IQGAP1: variants seen among roughly 807,000 people sequenced by gnomAD.
The protein encoded by IQGAP1 is ras GTPase-activating-like protein IQGAP1.
IQGAP1 carries 66 observed loss-of-function variants against 215.6 expected under a neutral mutation model. The ratio of observed to expected loss-of-function variants is 0.31; its 90% CI spans 0.25 to 0.38. The LOEUF is 0.38. IQGAP1 is among the 10% of genes least tolerant of loss of function. The pLI, the probability that IQGAP1 is intolerant of heterozygous loss-of-function variation, is 1.00. For synonymous variants in IQGAP1, 772 were observed against 728.7 expected (o/e 1.06, Z -0.96); for missense variants, 1,712 against 1,997.1 (o/e 0.86, Z 2.72).
At position 90,390,855 on chromosome 15, in the gene IQGAP1, AT is replaced by A; in HGVS notation, c.140del (p.Leu47TrpfsTer12). ...RQNVAYEYLCHLEEAKRWMEA... is the reference protein window; with the variant it reads ...RQNVAYEYLCXLEEAKRWMEA... The stretch of plus-strand genomic sequence containing the variant: ...AACGTGGCTTATGAGTACCTTTGTC[AT>A]TTGGAAGAAGCGAAGAGGTAAAGAT... On this transcript the variant is annotated frameshift_variant, in exon 2 of 38. Coordinates refer to ENST00000268182, the MANE Select transcript of IQGAP1 (RefSeq NM_003870.4). LOFTEE classifies it high-confidence loss of function. The A allele has an allele frequency of 6.2e-7, 1 of 1,608,254 alleles. No homozygotes were observed. The highest frequency in any genetic ancestry group is 8.5e-7 in the Non-Finnish European group (1 of 1,174,634).
chr15:90,498,681 C>T (rs1438472022), intron 37 of IQGAP1, among the ~76,000 whole-genome samples: 2 of 152,166 alleles, frequency 1.3e-5, no homozygotes, highest in East Asian at 3.9e-4. Flanking sequence ...AGAGTCTCGC[C>T]CTGTCTCCCA....
At chr15:90,402,788 GA>G (rs899938765) in intron 2 of IQGAP1, among the ~76,000 whole-genome samples, 6 of 151,082 alleles carry the variant, frequency 4.0e-5, no homozygotes, top group African/African-American at 9.7e-5. Flanking sequence ...GAAAAGAAGA[GA>G]AAAAAAACTT....
Position 90,487,572 on chromosome 15 carries a change from C to T in IQGAP1, c.4238C>T (p.Thr1413Ile). The change falls in exon 33 of 38, where the codon ACC (threonine) becomes ATC (isoleucine). Residue 1413 changes from threonine to isoleucine, a missense_variant. Physicochemically the swap from Thr to Ile is moderately conservative, Grantham distance 89. Transcript: ENST00000268182. ...TLTEILETPATSEQEAEHQRA... is the reference protein window; with the variant it reads ...TLTEILETPAISEQEAEHQRA... ...ACTGAAATCCTAGAAACACCAGCCA[C>T]CAGTGAACAGGTAAAATTTAGGGTC... is the stretch of plus-strand genomic sequence containing the variant. 1 of 1,612,486 alleles carries T rather than the reference C, an allele frequency of 6.2e-7. No individual in the cohort carries two copies. Among genetic ancestry groups the T allele is most frequent in the South Asian group, 1.1e-5 (1 of 91,052 alleles).
At chr15:90,494,686 G>C (rs374105214) in intron 35 of IQGAP1, 27 bp from the exon 36 acceptor site, 11 of 1,581,432 alleles carry the variant, frequency 7.0e-6, no homozygotes, top group East Asian at 4.5e-5. Context: ...GTTACTTATA[G>C]AAAGTGACAT....
rs1007483926 is a variant in IQGAP1, at chr15:90,422,667, T to C, written c.156-3443T>C. Among the ~76,000 whole-genome samples the C allele has an allele frequency of 1.1e-4, 14 of 128,604 alleles. 2 individuals carry two copies. Among genetic ancestry groups the C allele is most frequent in the African/African-American group, 2.4e-4 (8 of 33,456 alleles). 84.4% of individuals were successfully genotyped at this position (128,604 alleles called of 152,430 possible). A position where few individuals can be genotyped will look rare whatever the true frequency, so the allele number is the denominator to read the frequency against. Reference sequence around the variant, plus strand: ...ATATGTATATATATATATGTATATATATATATATATATAATTTTTGAGACA... The same window carrying C: ...ATATGTATATATATATATGTATATACATATATATATATAATTTTTGAGACA... On this transcript the variant is annotated intron_variant, in intron 2 of 37. Transcript: ENST00000268182.
intron 1 of IQGAP1, 35 bp downstream of exon 1, chr15:90,388,431 G>A (rs1358412647): frequency 1.3e-6 from 2 of 1,550,202 alleles, no homozygotes; most frequent in Non-Finnish European, 8.7e-7. Context: ...GGGGCTTCGG[G>A]CTGGGCTAAT....
intron 9 of IQGAP1, among the ~76,000 whole-genome samples, chr15:90,445,845 G>C (rs377077896): frequency 1.5e-4 from 16 of 109,482 alleles, no homozygotes; most frequent in Non-Finnish European, 2.2e-4. Context: ...CTTTTTTTTT[G>C]GGTTTTTTTT....
chr15:90,412,537 A>C (rs1282768273), intron 2 of IQGAP1, among the ~76,000 whole-genome samples: 2 of 152,110 alleles, frequency 1.3e-5, no homozygotes, highest in African/African-American at 4.8e-5. Context: ...AAGACCTATA[A>C]AATCAGTACC....
rs906649837 is a variant in IQGAP1, at chr15:90,476,985, G to A, written c.2941-82G>A. 2.5e-5 allele frequency: 35 copies of A among 1,409,968 alleles called. No homozygotes were observed. In the South Asian group the frequency reaches 4.3e-4, roughly 17 times the overall value. 87.3% of individuals were successfully genotyped at this position (1,409,968 alleles called of 1,614,324 possible). A position where few individuals can be genotyped will look rare whatever the true frequency, so the allele number is the denominator to read the frequency against. ...AATCTTTTTTCTCATATGTATTGTA[G>A]TCCTTCAATTTTAAATAATTGAATA... On this transcript the variant is annotated intron_variant, in intron 24 of 37. Transcript: ENST00000268182.
intron 5 of IQGAP1, among the ~76,000 whole-genome samples, chr15:90,437,873 A>C (rs1965391929): frequency 6.6e-6 from 1 of 152,206 alleles, no homozygotes; most frequent in South Asian, 2.1e-4. Flanking sequence ...AAATCTTCTG[A>C]GACAGGCGCT....
At chr15:90,410,732 T>C (rs1964950061) in intron 2 of IQGAP1, among the ~76,000 whole-genome samples, 2 of 151,252 alleles carry the variant, frequency 1.3e-5, no homozygotes, top group African/African-American at 4.9e-5. Context: ...TTAGGAGATA[T>C]ACCTAATGCT....
Position 90,472,935 on chromosome 15 carries a change from A to T in IQGAP1, c.2274A>T (p.Gly758=). The T allele has an allele frequency of 6.2e-7, 1 of 1,614,028 alleles. No homozygotes were observed. Among genetic ancestry groups the T allele is most frequent in the Non-Finnish European group, 8.5e-7 (1 of 1,179,974 alleles). Residue 758 remains glycine (G), a synonymous_variant, in exon 19 of 38, where the codon GGA becomes GGT. Transcript: ENST00000268182. ...LITRLQARCR[G]YLVRQEFRSR... ...CCAGGCTGCAGGCTCGCTGCCGTGG[A>T]TACTTAGTTCGACAGGAATTCCGAT...
At chr15:90,409,898 A>G (rs1025502881) in intron 2 of IQGAP1, among the ~76,000 whole-genome samples, 25 of 152,184 alleles carry the variant, frequency 1.6e-4, no homozygotes, top group Admixed American at 1.6e-3. Flanking sequence ...TCTGATGACC[A>G]GTGATGATGA....
At chr15:90,435,168 A>G (rs1303105251) in intron 5 of IQGAP1, among the ~76,000 whole-genome samples, 1 of 151,938 alleles carries the variant, frequency 6.6e-6, no homozygotes, top group Non-Finnish European at 1.5e-5. Flanking sequence ...TTGAGAATGT[A>G]GCAATTTCAA....
In IQGAP1 at chr15:90,487,491, T is replaced by A; in HGVS notation, c.4161-4T>A. The A allele has an allele frequency of 6.2e-7, 1 of 1,611,398 alleles. No individual in the cohort carries two copies. The highest frequency in any genetic ancestry group is 1.1e-5 in the South Asian group (1 of 91,018). ...ATTTAAATGCCTCCCCCATCTCGTT[T>A]CAGTACAAAACGTTTAATTGTGGAT... On this transcript the variant is annotated splice_region_variant and splice_polypyrimidine_tract_variant and intron_variant, in intron 32 of 37. Coordinates refer to ENST00000268182, the MANE Select transcript of IQGAP1 (RefSeq NM_003870.4).
intron 13 of IQGAP1, among the ~76,000 whole-genome samples, chr15:90,453,671 C>G (rs897747919): frequency 2.3e-4 from 35 of 152,084 alleles, no homozygotes; most frequent in African/African-American, 8.5e-4. Flanking sequence ...CTGTTGTGTC[C>G]CTTGAGTATC....
At position 90,472,897 on chromosome 15, in the gene IQGAP1, G is replaced by A; in HGVS notation, c.2236G>A (p.Glu746Lys). ...CCGAGAACAGCTGTGGCTGGCCAATGAAGGCCTGATCACCAGGCTGCAGGC... is the reference window on the plus strand; with the variant it reads ...CCGAGAACAGCTGTGGCTGGCCAATAAAGGCCTGATCACCAGGCTGCAGGC... ...YNREQLWLAN[E>K]GLITRLQARC... The change falls in exon 19 of 38, where the codon GAA (glutamate) becomes AAA (lysine). Residue 746 changes from glutamate (E) to lysine (K), a missense_variant. Glu to Lys is a moderately conservative substitution (Grantham distance 56). This residue lies in a region of IQGAP1 where 1,021 missense variants were observed against 1,074.2 expected (regional missense o/e 0.95). Coordinates refer to ENST00000268182, the MANE Select transcript of IQGAP1 (RefSeq NM_003870.4). The A allele has an allele frequency of 6.2e-7, 1 of 1,613,988 alleles. No homozygotes were observed. The highest frequency in any genetic ancestry group is 1.1e-5 in the South Asian group (1 of 91,050).
chr15:90,476,641 A>G (rs944358391), intron 23 of IQGAP1, 22 bp from the exon 24 acceptor site: 1 of 1,549,490 alleles, frequency 6.5e-7, no homozygotes, highest in Non-Finnish European at 8.7e-7. Flanking sequence ...TTTCTGATCT[A>G]TTTATTGGTT....
chr15:90,466,341 G>A lies in IQGAP1; in HGVS notation c.1940G>A (p.Arg647His). Residue 647 changes from arginine to histidine, a missense_variant, in exon 17 of 38, where the codon CGC (arginine) becomes CAC (histidine). Arg to His is a conservative substitution (Grantham distance 29, BLOSUM62 0). Transcript: ENST00000268182. ...GTTGGCAAAACACTGAGTGCCCTTC[G>A]CTCCCCTGATGTTGGCTTGTATGGA... ...GDVGKTLSAL[R>H]SPDVGLYGVI... 1 of 1,614,082 alleles carries A rather than the reference G, an allele frequency of 6.2e-7. No individual in the cohort carries two copies. The highest frequency in any genetic ancestry group is 8.5e-7 in the Non-Finnish European group (1 of 1,179,978).
Sources: allele counts gnomAD v4.1 joint callset (sites outside exome capture counted in the v4.1 genomes callset), GRCh38; gene constraint gnomAD v4.1.1; regional missense constraint gnomAD v4.1.1; transcripts MANE v1.5; gene names NCBI Gene and HGNC (gene_info 2026-07-23, HGNC 2026-07-21).